SNX3: variants seen among roughly 807,000 people sequenced by gnomAD.
SNX3 encodes the protein sorting nexin 3, also known as sorting nexin-3.
Under a neutral mutation model 17.7 loss-of-function variants are expected in SNX3, and 5 were observed. The ratio of observed to expected loss-of-function variants is 0.28; its 90% CI spans 0.15 to 0.59. The LOEUF (loss-of-function observed/expected upper bound fraction) is 0.59, where lower values mean the gene tolerates loss of function less well. SNX3 is among the 20% of genes least tolerant of loss of function. The pLI is 0.88. For synonymous variants in SNX3, 91 were observed against 76.5 expected (o/e 1.19, Z -0.99); for missense variants, 132 against 206.8 (o/e 0.64, Z 2.22).
At chr6:108,219,738 AT>A (rs1278604086) in intron 2 of SNX3, among the ~76,000 whole-genome samples, 1 of 152,218 alleles carries the variant, frequency 6.6e-6, no homozygotes, top group Non-Finnish European at 1.5e-5. Context: ...TGACAATGCT[AT>A]TTTTGTTATG....
intron 1 of SNX3, among the ~76,000 whole-genome samples, chr6:108,226,589 C>T (rs1017645371): frequency 1.3e-5 from 2 of 152,150 alleles, no homozygotes; most frequent in Admixed American, 6.5e-5. Flanking sequence ...AAGTTAAGTG[C>T]CACCTGAAGG....
intron 1 of SNX3, among the ~76,000 whole-genome samples, chr6:108,255,791 G>A (rs1029882329): frequency 2.0e-5 from 3 of 152,322 alleles, no homozygotes. Flanking sequence ...AAGATTAGAT[G>A]ACTGACCCAG....
chr6:108,244,172 G>GAGAT (rs1290041913), intron 1 of SNX3, among the ~76,000 whole-genome samples: 1 of 151,562 alleles, frequency 6.6e-6, no homozygotes, highest in African/African-American at 2.4e-5. Flanking sequence ...TCTTCTTTAT[G>GAGAT]AGATGGTGGG....
intron 1 of SNX3, among the ~76,000 whole-genome samples, chr6:108,250,750 A>G (rs951782691): frequency 2.4e-4 from 37 of 152,210 alleles, no homozygotes; most frequent in African/African-American, 8.4e-4. Context: ...ACTAGAAAAA[A>G]CGGAAAGCAA....
rs200000582 is a variant in SNX3, at chr6:108,260,826, A to T, written c.96T>A (p.Asp32Glu). The change falls in exon 1 of 4, where the codon GAT becomes GAA. Residue 32 changes from aspartate to glutamate, a missense_variant. Asp to Glu is a conservative substitution (Grantham distance 45). This residue lies in a region of SNX3 where 78 missense variants were observed against 88.8 expected (regional missense o/e 0.88). Transcript: ENST00000230085. Reference sequence around the variant, plus strand: ...CCCCCACCGTTTGCGGGTTGCTCACATCGATCTCGAGGAAGTTGCTGGGGG... The same window carrying T: ...CCCCCACCGTTTGCGGGTTGCTCACTTCGATCTCGAGGAAGTTGCTGGGGG... ...YGPPSNFLEIDVSNPQTVGVG... is the reference protein window; with the variant it reads ...YGPPSNFLEIEVSNPQTVGVG... 7 of 1,613,744 alleles carry T rather than the reference A, an allele frequency of 4.3e-6. No homozygotes were observed. The highest frequency in any genetic ancestry group is 5.9e-6 in the Non-Finnish European group (7 of 1,179,812).
chr6:108,222,534 TTC>T (rs1289917568), intron 2 of SNX3, among the ~76,000 whole-genome samples: 1 of 152,218 alleles, frequency 6.6e-6, no homozygotes, highest in Non-Finnish European at 1.5e-5. Flanking sequence ...TTTATGAAAC[TTC>T]TGTTACATGA....
intron 1 of SNX3, among the ~76,000 whole-genome samples, chr6:108,236,375 AT>A (rs1271213219): frequency 8.2e-6 from 1 of 122,376 alleles, no homozygotes; most frequent in East Asian, 2.2e-4. Flanking sequence ...TATTATTATT[AT>A]TATTTTTTTT....
intron 2 of SNX3, among the ~76,000 whole-genome samples, chr6:108,218,907 T>A (rs935583282): frequency 7.9e-5 from 12 of 152,350 alleles, no homozygotes; most frequent in Admixed American, 4.6e-4. Flanking sequence ...GGGTTTCTTT[T>A]ATTGGGTGAT....
intron 3 of SNX3, among the ~76,000 whole-genome samples, chr6:108,213,844 C>T (rs975495165): frequency 4.6e-5 from 7 of 152,056 alleles, no homozygotes; most frequent in South Asian, 4.1e-4. Context: ...ATATTCTGTA[C>T]GATTTGATTT....
chr6:108,224,050 A>G (rs1774900124), intron 1 of SNX3, among the ~76,000 whole-genome samples: 1 of 152,050 alleles, frequency 6.6e-6, no homozygotes, highest in African/African-American at 2.4e-5. Flanking sequence ...TTAATTTTTA[A>G]AATTTTATTT....
chr6:108,218,461 G>A (rs964342921), intron 2 of SNX3, among the ~76,000 whole-genome samples: 27 of 152,070 alleles, frequency 1.8e-4, no homozygotes, highest in Non-Finnish European at 3.2e-4. Context: ...TTGGAAAAAC[G>A]GTCTGCCAAT....
intron 1 of SNX3, among the ~76,000 whole-genome samples, chr6:108,241,124 A>G (rs1775507844): frequency 7.2e-6 from 1 of 138,488 alleles, no homozygotes; most frequent in Non-Finnish European, 1.5e-5. Flanking sequence ...AGCCTGAGCG[A>G]TAGAGCAAGA....
chr6:108,242,530 A>T (rs1230342558), intron 1 of SNX3, among the ~76,000 whole-genome samples: 1 of 152,194 alleles, frequency 6.6e-6, no homozygotes, highest in African/African-American at 2.4e-5. Context: ...CTCAAAGAAA[A>T]AAAGAAAATC....
chr6:108,228,442 G>A (rs910881363), intron 1 of SNX3, among the ~76,000 whole-genome samples: 9 of 151,994 alleles, frequency 5.9e-5, no homozygotes, highest in Non-Finnish European at 1.0e-4. Flanking sequence ...CCAGCTACTC[G>A]GGATGCTGAG....
intron 1 of SNX3, among the ~76,000 whole-genome samples, chr6:108,245,392 A>G (rs996819700): frequency 2.6e-5 from 4 of 152,182 alleles, no homozygotes; most frequent in Non-Finnish European, 5.9e-5. Context: ...AGTCTTCGCT[A>G]TCGTAAATAG....
chr6:108,215,071 C>G (rs1399306376), intron 2 of SNX3, among the ~76,000 whole-genome samples: 1 of 152,206 alleles, frequency 6.6e-6, no homozygotes, highest in Non-Finnish European at 1.5e-5. Context: ...TGGTTTCAGC[C>G]GGGCGTGGTG....
chr6:108,223,944 A>G (rs959793850), intron 1 of SNX3, among the ~76,000 whole-genome samples: 9 of 152,180 alleles, frequency 5.9e-5, no homozygotes, highest in Admixed American at 2.0e-4. Flanking sequence ...AAAAATGTCA[A>G]CTAAGCAGGG....
Position 108,248,060 on chromosome 6 carries a change from T to C in SNX3, c.162+12700A>G, listed in dbSNP as rs141860354. 7.1e-3 allele frequency among the ~76,000 whole-genome samples: 1,082 copies of C among 152,350 alleles called. 36 individuals are homozygous for C. The highest frequency in any genetic ancestry group is 0.06 in the Admixed American group (923 of 15,304). On this transcript the variant is annotated intron_variant, in intron 1 of 3. Transcript: ENST00000230085. ...TAACAAGGAATCACTCCAGTATTAT[T>C]ACTGTGTGATTCTGGCATGTCATTG...
intron 1 of SNX3, among the ~76,000 whole-genome samples, chr6:108,246,969 T>C (rs1284606601): frequency 6.6e-6 from 1 of 152,188 alleles, no homozygotes; most frequent in Non-Finnish European, 1.5e-5. Context: ...GGTCAGGATG[T>C]GATATGGTTT....
Sources: gnomAD v4.1 joint callset for allele counts (sites outside exome capture counted in the v4.1 genomes callset) on GRCh38, gnomAD v4.1.1 for gene constraint, gnomAD v4.1.1 regional missense constraint, MANE v1.5 for transcripts, NCBI Gene and HGNC (gene_info 2026-07-23, HGNC 2026-07-21) for gene names.